TUBGCP2: variants seen among roughly 807,000 people sequenced by gnomAD.
The protein encoded by TUBGCP2 is tubulin gamma complex component 2, also known as gamma-tubulin complex component 2.
TUBGCP2 carries 55 observed loss-of-function variants against 92.2 expected under a neutral mutation model. The observed-to-expected ratio is 0.60, with a 90% CI of 0.48 to 0.75. The LOEUF (loss-of-function observed/expected upper bound fraction) is 0.75. TUBGCP2 is among the 30% of genes least tolerant of loss of function. The probability of loss-of-function intolerance (pLI) is 0.00; values close to 1 mark genes in which losing one functional copy is unlikely to be tolerated. For synonymous variants in TUBGCP2, 533 were observed against 505.2 expected, an observed-to-expected ratio of 1.06 and a Z score of -0.74; for missense variants, 1,093 against 1,188.9, an observed-to-expected ratio of 0.92 and a Z score of 1.19.
At position 133,293,697 on chromosome 10, in the gene TUBGCP2, C is replaced by G; in HGVS notation, c.689G>C (p.Gly230Ala). 2 of 1,604,732 alleles carry G rather than the reference C, an allele frequency of 1.2e-6. No individual in the cohort carries two copies. The highest frequency in any genetic ancestry group is 1.7e-6 in the Non-Finnish European group (2 of 1,176,486). ...DLLYVLVGVDGRYVSAQPLAG... is the reference protein window; with the variant it reads ...DLLYVLVGVDARYVSAQPLAG... Reference sequence around the variant, plus strand: ...CAGGGGCTGAGCACTGACGTACCTCCCGTCCACGCCCACCAGCACGTACAG... The same window carrying G: ...CAGGGGCTGAGCACTGACGTACCTCGCGTCCACGCCCACCAGCACGTACAG... The change falls in exon 6 of 18, where the codon GGG becomes GCG. Residue 230 changes from glycine (G) to alanine (A), a missense_variant. This residue lies in a region of TUBGCP2 where 490 missense variants were observed against 488.5 expected (regional missense o/e 1.00). Transcript: ENST00000252936.
At chr10:133,309,721 C>T, upstream of TUBGCP2, 3 of 1,597,064 alleles carry the variant, frequency 1.9e-6, no homozygotes, top group Non-Finnish European at 1.7e-6. Context: ...TGCAGAAAGT[C>T]CAGCTTGGTT....
rs548118156 is a variant in TUBGCP2, at chr10:133,280,756, C to T, written c.2573+517G>A. ...GTGCAGGGGAGATGGGGCCTGGATG[C>T]AGGGACAGGTGCTGAGCTGGGGTGG... is the stretch of plus-strand genomic sequence containing the variant. On this transcript the variant is annotated intron_variant, in intron 17 of 17. Coordinates refer to ENST00000252936, the MANE Select transcript of TUBGCP2 (RefSeq NM_006659.4). 7.2e-5 allele frequency among the ~76,000 whole-genome samples: 11 copies of T among 152,262 alleles called. No individual in the cohort carries two copies. The South Asian group carries it at 2.3e-3, about 32-fold the overall frequency.
chr10:133,300,175 C>G, intron 2 of TUBGCP2, 62 bp from the exon 3 acceptor site: 1 of 1,561,454 alleles, frequency 6.4e-7, no homozygotes, highest in African/African-American at 1.4e-5. Flanking sequence ...TAAAAAAAAA[C>G]CTTTACGAAA....
At chr10:133,280,174 G>A (rs1224703671) in intron 17 of TUBGCP2, among the ~76,000 whole-genome samples, 2 of 152,204 alleles carry the variant, frequency 1.3e-5, no homozygotes, top group Non-Finnish European at 2.9e-5. Context: ...CCTAACTAAT[G>A]TTTCCACAGG....
intron 3 of TUBGCP2, 53 bp from the exon 4 acceptor site, chr10:133,299,656 T>A: frequency 2.0e-6 from 3 of 1,484,634 alleles, no homozygotes; most frequent in Non-Finnish European, 2.8e-6. Flanking sequence ...TCTTTGGCCA[T>A]AGGGGGAGAG....
intron 16 of TUBGCP2, 124 bp from the exon 17 acceptor site, chr10:133,281,560 T>G: frequency 8.0e-7 from 1 of 1,248,448 alleles, no homozygotes; most frequent in Admixed American, 2.7e-5. Context: ...AAACATGGGT[T>G]CCATGATGTT....
Position 133,289,023 on chromosome 10 carries a change from G to A in TUBGCP2, c.1361-3C>T. The A allele has an allele frequency of 1.2e-6, 2 of 1,605,142 alleles. No individual in the cohort carries two copies. Among genetic ancestry groups the A allele is most frequent in the Non-Finnish European group, 1.7e-6 (2 of 1,173,966 alleles). ...TCTGACCACATTTAGATATTTTCCT[G>A]AAAACACAGAAATTCAAAATTTTAT... is the stretch of plus-strand genomic sequence containing the variant. On this transcript the variant is annotated splice_region_variant and splice_polypyrimidine_tract_variant and intron_variant, in intron 9 of 17. Transcript: ENST00000252936.
upstream of TUBGCP2, chr10:133,312,302 C>A: frequency 8.2e-7 from 1 of 1,214,076 alleles, no homozygotes; most frequent in Non-Finnish European, 1.0e-6. Context: ...CTAGCGTCAC[C>A]TGTGCCGTCT....
Position 133,293,074 on chromosome 10 carries a change from G to T in TUBGCP2, c.989C>A (p.Pro330Gln). The change falls in exon 7 of 18, where the codon CCA becomes CAA. Residue 330 changes from proline to glutamine, a missense_variant. Pro to Gln is a moderately conservative substitution (Grantham distance 76). Coordinates refer to ENST00000252936, the MANE Select transcript of TUBGCP2 (RefSeq NM_006659.4). The part of the protein sequence containing the change: ...SLQKLWFYIQ[P>Q]AMRTMDILAS... Reference sequence around the variant, plus strand: ...CAGGATGTCCATGGTGCGCATGGCTGGCTGGATGTAGAACCAGAGCTTCTG... The same window carrying T: ...CAGGATGTCCATGGTGCGCATGGCTTGCTGGATGTAGAACCAGAGCTTCTG... The T allele has an allele frequency of 1.2e-6, 2 of 1,613,652 alleles. No homozygotes were observed. The highest frequency in any genetic ancestry group is 1.7e-6 in the Non-Finnish European group (2 of 1,180,024).
intron 16 of TUBGCP2, 200 bp from the exon 17 acceptor site, chr10:133,281,636 A>G: frequency 1.5e-6 from 1 of 673,836 alleles, no homozygotes; most frequent in Non-Finnish European, 2.4e-6. Flanking sequence ...TCAGAGAAAC[A>G]CTCCAGGCCT....
chr10:133,309,740 C>T (rs1363209463), upstream of TUBGCP2: 7 of 1,609,160 alleles, frequency 4.4e-6, no homozygotes, highest in Non-Finnish European at 5.9e-6. Flanking sequence ...TTCCTCGCAC[C>T]GGAGGAAGGG....
rs1374973916 is a variant in TUBGCP2 at position 133,279,614 on chromosome 10, C to T, written c.*152G>A. 6 of 1,221,672 alleles carry T rather than the reference C, an allele frequency of 4.9e-6. No homozygotes were observed. Among genetic ancestry groups the T allele is most frequent in the Admixed American group, 3.8e-5 (1 of 26,638 alleles). 75.7% of individuals were successfully genotyped at this position (1,221,672 alleles called of 1,614,324 possible). On this transcript the variant is annotated 3_prime_UTR_variant, in exon 18 of 18. Transcript: ENST00000252936. Reference sequence around the variant, plus strand: ...GCAGCTTCTATAAAACGAAACCCAGCGCCTTGAGAAACAAAGTGAGCTGAG... The same window carrying T: ...GCAGCTTCTATAAAACGAAACCCAGTGCCTTGAGAAACAAAGTGAGCTGAG...
At position 133,285,327 on chromosome 10, in the gene TUBGCP2, C is replaced by T. The variant is rs757539124; in HGVS notation, c.1896-114G>A. The stretch of plus-strand genomic sequence containing the variant: ...GCCCCCGGACAGCCCGTGAATCTCT[C>T]GGACACTGAAGGCCGGGGAGAGCCG... On this transcript the variant is annotated intron_variant, in intron 12 of 17. Coordinates refer to ENST00000252936, the MANE Select transcript of TUBGCP2 (RefSeq NM_006659.4). This position sits in a 1 kb window ranked among gnomAD's most constrained non-coding sequence, Gnocchi z 6.8. 52 of 1,587,786 alleles carry T rather than the reference C, an allele frequency of 3.3e-5. No homozygotes were observed. In the South Asian group the frequency reaches 3.3e-4, roughly 10 times the overall value.
chr10:133,311,946 G>A (rs571571394), upstream of TUBGCP2: 2 of 1,612,518 alleles, frequency 1.2e-6, no homozygotes, highest in East Asian at 2.2e-5. Flanking sequence ...AATTCAGAAA[G>A]GTAACGCTGG....
At chr10:133,288,435 C>T (rs1421590014) in intron 10 of TUBGCP2, 126 bp from the exon 11 acceptor site, 2 of 1,220,234 alleles carry the variant, frequency 1.6e-6, no homozygotes, top group Admixed American at 2.7e-5. Flanking sequence ...TGAGCACGTG[C>T]CCACCCGCAG....
chr10:133,281,573 C>G (rs942092227), intron 16 of TUBGCP2, 137 bp from the exon 17 acceptor site: 1 of 1,172,802 alleles, frequency 8.5e-7, no homozygotes, highest in African/African-American at 1.5e-5. Flanking sequence ...ATGATGTTTT[C>G]AGGAGATTCA....
rs144608474 is a variant in TUBGCP2, at chr10:133,292,598, G to A, written c.1115C>T (p.Ala372Val). The change falls in exon 8 of 18, where the codon GCG (alanine) becomes GTG (valine). Residue 372 changes from alanine to valine, a missense_variant. Coordinates refer to ENST00000252936, the MANE Select transcript of TUBGCP2 (RefSeq NM_006659.4). ...GGTTAGGTACAGGCATAGCTCCTGCGCCTGGCTGTCCCCTGTGTAGCTGAA... is the reference window on the plus strand; with the variant it reads ...GGTTAGGTACAGGCATAGCTCCTGCACCTGGCTGTCCCCTGTGTAGCTGAA... ...RSFSYTGDSQAQELCLYLTKA... is the reference protein window; with the variant it reads ...RSFSYTGDSQVQELCLYLTKA... The A allele has an allele frequency of 2.1e-4, 338 of 1,614,166 alleles. No individual in the cohort carries two copies. Among genetic ancestry groups the A allele is most frequent in the Admixed American group, 6.3e-4 (38 of 60,022 alleles).
chr10:133,308,105 A>G (rs1847871433), intron 1 of TUBGCP2, among the ~76,000 whole-genome samples: 1 of 152,228 alleles, frequency 6.6e-6, no homozygotes, highest in South Asian at 2.1e-4. Flanking sequence ...GTGACAGACG[A>G]GAAAGCTAAA....
At chr10:133,302,676 T>C (rs1847700285) in intron 2 of TUBGCP2, 116 bp downstream of exon 2, 3 of 1,378,722 alleles carry the variant, frequency 2.2e-6, no homozygotes, top group Middle Eastern at 2.6e-4. Context: ...TGTACCACCC[T>C]GACCCAGGAA....
Sources: gnomAD v4.1 joint callset for allele counts (sites outside exome capture counted in the v4.1 genomes callset) on GRCh38, gnomAD v4.1.1 for gene constraint, gnomAD v4.1.1 regional missense constraint, Gnocchi (gnomAD v3.1) non-coding constraint, MANE v1.5 for transcripts, NCBI Gene and HGNC (gene_info 2026-07-23, HGNC 2026-07-21) for gene names.